The following DTD1 variants were observed in gnomAD, a reference collection of about 807,000 sequenced individuals.
DTD1 encodes D-aminoacyl-tRNA deacylase 1.
Under a neutral mutation model 25.6 loss-of-function variants are expected in DTD1, and 13 were observed. The ratio of observed to expected loss-of-function variants is 0.51; its 90% confidence interval spans 0.33 to 0.81. The LOEUF is 0.81. Ranked by LOEUF, DTD1 falls within the 30% of genes least tolerant of loss-of-function variation. The pLI is 0.02. For synonymous variants in DTD1, 110 were observed against 103.6 expected (o/e 1.06, Z -0.37); for missense variants, 193 against 266.4 (o/e 0.72, Z 1.92).
In DTD1 at chr20:18,638,582, C is replaced by T. The variant is rs957747978; in HGVS notation, c.477+10349C>T. 5.9e-5 allele frequency among the ~76,000 whole-genome samples: 9 copies of T among 152,044 alleles called. No homozygotes were observed. The South Asian group carries it at 1.0e-3, about 18-fold the overall frequency. ...TCTAGGGTGACTGGTGGAAGAAAGG[C>T]CAGTGTGGCTGGAGCTTGGAGGGTG... On this transcript the variant is annotated intron_variant, in intron 4 of 5. Coordinates refer to ENST00000377452, the MANE Select transcript of DTD1 (RefSeq NM_080820.6).
intron 4 of DTD1, among the ~76,000 whole-genome samples, chr20:18,680,505 G>A (rs2060992986): frequency 6.7e-6 from 1 of 150,346 alleles, no homozygotes; most frequent in Admixed American, 6.7e-5. Flanking sequence ...GCCTCCCAAT[G>A]TGTTGGGATT....
chr20:18,680,408 G>GTTT (rs1568666908), intron 4 of DTD1, among the ~76,000 whole-genome samples: 1 of 117,658 alleles, frequency 8.5e-6, no homozygotes. Flanking sequence ...GATTTTTGTT[G>GTTT]TTGTCTACGT....
rs570006161 is a variant in DTD1, at chr20:18,645,157, A to G, written c.477+16924A>G. Reference sequence around the variant, plus strand: ...AAAGTGAGAACTTGTCTGTAAATCAACCGATCAATGAATCAATCAATCAAT... The same window carrying G: ...AAAGTGAGAACTTGTCTGTAAATCAGCCGATCAATGAATCAATCAATCAAT... On this transcript the variant is annotated intron_variant, in intron 4 of 5. Coordinates refer to ENST00000377452, the MANE Select transcript of DTD1 (RefSeq NM_080820.6). Among the ~76,000 whole-genome samples, 6 of 152,306 alleles carry G rather than the reference A, an allele frequency of 3.9e-5. No individual in the cohort carries two copies. The East Asian group carries it at 7.7e-4, about 20-fold the overall frequency.
At chr20:18,674,301 G>T (rs1209518055) in intron 4 of DTD1, 1 of 152,122 alleles carries the variant, frequency 6.6e-6, no homozygotes, top group Non-Finnish European at 1.5e-5. Flanking sequence ...GTAGAGAGGG[G>T]AATGGAAAAA....
chr20:18,610,481 G>A (rs549923680), intron 3 of DTD1, among the ~76,000 whole-genome samples: 1 of 152,306 alleles, frequency 6.6e-6, no homozygotes, highest in African/African-American at 2.4e-5. Context: ...CAGAATTTAA[G>A]CTCATGGTGT....
intron 4 of DTD1, among the ~76,000 whole-genome samples, chr20:18,665,514 C>G (rs56099228): frequency 1.1e-3 from 175 of 152,278 alleles, no homozygotes; most frequent in Middle Eastern, 3.4e-3. Context: ...TTTGTGAGTT[C>G]CAGGAAGAGT....
At chr20:18,707,866 C>G (rs1411560633) in intron 4 of DTD1, among the ~76,000 whole-genome samples, 2 of 151,990 alleles carry the variant, frequency 1.3e-5, no homozygotes, top group African/African-American at 2.4e-5. Context: ...CCCTTGGCAC[C>G]TCTCCGACTG....
chr20:18,614,760 G>A lies in DTD1; in HGVS notation c.371-13367G>A, dbSNP rs564297628. Among the ~76,000 whole-genome samples, 275 of 152,184 alleles carry A rather than the reference G, an allele frequency of 1.8e-3. 2 individuals carry two copies. The highest frequency in any genetic ancestry group is 6.4e-3 in the African/African-American group (267 of 41,504). On this transcript the variant is annotated intron_variant, in intron 3 of 5. Coordinates refer to ENST00000377452, the MANE Select transcript of DTD1 (RefSeq NM_080820.6). ...GGGCCCATTTAGAGGCACTTCCTGT[G>A]TCCCAGCAAGCTCCCTAGGCTTGCA... is the stretch of plus-strand genomic sequence containing the variant.
chr20:18,736,880 C>T (rs1013977325), intron 4 of DTD1, among the ~76,000 whole-genome samples: 1 of 152,050 alleles, frequency 6.6e-6, no homozygotes, highest in African/African-American at 2.4e-5. Flanking sequence ...AAAACCTGTC[C>T]TGTCCATTCA....
At chr20:18,682,519 G>A (rs545326261) in intron 4 of DTD1, among the ~76,000 whole-genome samples, 5 of 152,334 alleles carry the variant, frequency 3.3e-5, no homozygotes, top group African/African-American at 7.2e-5. Flanking sequence ...CCTCCTGAGT[G>A]TAGAAGCAGT....
chr20:18,727,753 G>A (rs981136518), intron 4 of DTD1, among the ~76,000 whole-genome samples: 2 of 152,222 alleles, frequency 1.3e-5, no homozygotes, highest in Admixed American at 6.5e-5. Flanking sequence ...CACACAGTAT[G>A]TGACCTTTGT....
chr20:18,607,556 TA>T (rs1398623826), intron 3 of DTD1, among the ~76,000 whole-genome samples: 3 of 152,218 alleles, frequency 2.0e-5, no homozygotes, highest in African/African-American at 4.8e-5. Context: ...CTGAAAGAGA[TA>T]GATTGTAGAG....
intron 1 of DTD1, among the ~76,000 whole-genome samples, chr20:18,589,812 T>G (rs912917133): frequency 6.6e-6 from 1 of 152,206 alleles, no homozygotes; most frequent in African/African-American, 2.4e-5. Context: ...GGTTCACTAT[T>G]TAAGTTATAT....
intron 4 of DTD1, among the ~76,000 whole-genome samples, chr20:18,726,761 AC>A (rs2061223767): frequency 1.3e-5 from 2 of 152,164 alleles, no homozygotes; most frequent in African/African-American, 2.4e-5. Flanking sequence ...ACAGACACCT[AC>A]CACACTGCTC....
intron 4 of DTD1, among the ~76,000 whole-genome samples, chr20:18,717,955 T>C (rs886820952): frequency 6.6e-6 from 1 of 152,192 alleles, no homozygotes; most frequent in African/African-American, 2.4e-5. Flanking sequence ...ATTTAGAATG[T>C]AAAAAGACTT....
intron 3 of DTD1, among the ~76,000 whole-genome samples, chr20:18,624,086 A>G (rs1182182501): frequency 6.6e-6 from 1 of 152,082 alleles, no homozygotes; most frequent in African/African-American, 2.4e-5. Flanking sequence ...CTTGGAGCCT[A>G]TGTTAGGCTG....
intron 4 of DTD1, among the ~76,000 whole-genome samples, chr20:18,656,343 A>G (rs1337577183): frequency 6.6e-6 from 1 of 152,240 alleles, no homozygotes; most frequent in Non-Finnish European, 1.5e-5. Context: ...CACAGCACAC[A>G]GACTCAGAAA....
At chr20:18,606,818 C>T (rs1252106151) in intron 3 of DTD1, among the ~76,000 whole-genome samples, 3 of 145,204 alleles carry the variant, frequency 2.1e-5, no homozygotes, top group Non-Finnish European at 4.5e-5. Context: ...GGAAGATATA[C>T]CTAATGCTAG....
At chr20:18,706,244 A>G (rs1175734927) in intron 4 of DTD1, among the ~76,000 whole-genome samples, 1 of 152,194 alleles carries the variant, frequency 6.6e-6, no homozygotes, top group Non-Finnish European at 1.5e-5. Flanking sequence ...GGTTTGTAGA[A>G]GTAGGAATTG....
Sources: allele counts gnomAD v4.1 joint callset (sites outside exome capture counted in the v4.1 genomes callset), GRCh38; gene constraint gnomAD v4.1.1; transcripts MANE v1.5; gene names NCBI Gene and HGNC (gene_info 2026-07-23, HGNC 2026-07-21).